Variants in HKDC1 observed in about 807,000 individuals in gnomAD.
HKDC1 encodes hexokinase domain containing 1.
In HKDC1, 66 loss-of-function variants were observed where a neutral mutation model predicts 96.6. That is an observed-to-expected ratio of 0.68 (90% confidence interval 0.56 to 0.84). HKDC1 has a LOEUF of 0.84. Ranked by LOEUF, HKDC1 falls within the 40% of genes least tolerant of loss-of-function variation. HKDC1 has a pLI of 0.00. For synonymous variants in HKDC1, 466 were observed against 473.1 expected, an observed-to-expected ratio of 0.98 and a Z score of 0.20; for missense variants, 1,211 against 1,208.1, an observed-to-expected ratio of 1.00 and a Z score of -0.04.
chr10:69,227,197 T>A lies in HKDC1; in HGVS notation c.64-10T>A. 2.5e-6 allele frequency: 4 copies of A among 1,613,852 alleles called. No individual in the cohort carries two copies. Among genetic ancestry groups the A allele is most frequent in the Non-Finnish European group, 3.4e-6 (4 of 1,179,778 alleles). On this transcript the variant is annotated splice_polypyrimidine_tract_variant and intron_variant, in intron 1 of 17. Transcript: ENST00000354624. ...CAGCAGCACCCCTTGGTGGCCGGTG[T>A]CTGTTCCAGGTGGACAGGTTCCTGT...
chr10:69,227,429 G>C, intron 2 of HKDC1, 60 bp downstream of exon 2: 1 of 1,590,396 alleles, frequency 6.3e-7, no homozygotes. Context: ...GGTGTCTAAA[G>C]TACCTAAGGT....
intron 4 of HKDC1, among the ~76,000 whole-genome samples, chr10:69,237,821 G>T (rs1034286351): frequency 3.1e-5 from 3 of 95,870 alleles, no homozygotes; most frequent in Admixed American, 2.9e-4. Flanking sequence ...ACCTGCATTC[G>T]GCTTGGGCTC....
chr10:69,249,805 C>T (rs1051978401), intron 10 of HKDC1, among the ~76,000 whole-genome samples: 19 of 152,098 alleles, frequency 1.2e-4, no homozygotes, highest in African/African-American at 4.6e-4. Context: ...GACCGGAGGC[C>T]CCTTGAGTAT....
chr10:69,265,889 C>T (rs1843891106), intron 17 of HKDC1, 71 bp downstream of exon 17: 1 of 1,091,312 alleles, frequency 9.2e-7, no homozygotes, highest in Non-Finnish European at 1.4e-6. Flanking sequence ...CTTGGCATAG[C>T]CTCCTGAACT....
intron 16 of HKDC1, chr10:69,261,547 C>A: frequency 2.4e-6 from 1 of 416,502 alleles, no homozygotes. Context: ...TGAAACAAAC[C>A]CCACATCTTA....
chr10:69,239,204 C>A, intron 5 of HKDC1, 67 bp downstream of exon 5: 1 of 1,249,458 alleles, frequency 8.0e-7, no homozygotes, highest in South Asian at 1.2e-5. Flanking sequence ...GTTGGTGGGG[C>A]TGGGGGTGAG....
At chr10:69,265,843 G>A (rs374487343) in intron 17 of HKDC1, 25 bp downstream of exon 17, 149 of 1,554,474 alleles carry the variant, frequency 9.6e-5, no homozygotes, top group South Asian at 1.4e-4. Context: ...GAGGCGTGGC[G>A]GGTGGGGCTG....
At chr10:69,260,756 G>A (rs1843792719) in intron 15 of HKDC1, among the ~76,000 whole-genome samples, 1 of 152,126 alleles carries the variant, frequency 6.6e-6, no homozygotes, top group Non-Finnish European at 1.5e-5. Flanking sequence ...TAGAAAGGAG[G>A]AAGGGAATTA....
At chr10:69,259,091 G>T in intron 15 of HKDC1, 132 bp downstream of exon 15, 1 of 692,856 alleles carries the variant, frequency 1.4e-6, no homozygotes, top group Non-Finnish European at 2.2e-6. Flanking sequence ...ATATCCTATT[G>T]GAACAAAAGA....
chr10:69,243,867 A>G (rs1843494988), intron 7 of HKDC1, among the ~76,000 whole-genome samples: 1 of 152,248 alleles, frequency 6.6e-6, no homozygotes, highest in East Asian at 1.9e-4. Flanking sequence ...ATAGAAGCCA[A>G]GGACATTGAA....
intron 7 of HKDC1, 125 bp downstream of exon 7, chr10:69,243,490 T>C: frequency 1.2e-6 from 1 of 837,966 alleles, no homozygotes; most frequent in Non-Finnish European, 1.7e-6. Flanking sequence ...CTTTCTTTTT[T>C]TCTTTTTCCT....
chr10:69,262,109 A>T (rs1843819091), intron 16 of HKDC1: 1 of 438,178 alleles, frequency 2.3e-6, no homozygotes, highest in African/African-American at 2.0e-5. Flanking sequence ...TTCACTAGAC[A>T]TCGTAAATGG....
intron 4 of HKDC1, among the ~76,000 whole-genome samples, chr10:69,235,974 C>A (rs954300679): frequency 2.6e-5 from 4 of 152,122 alleles, no homozygotes; most frequent in African/African-American, 9.7e-5. Flanking sequence ...CACTGCAGCT[C>A]AGCGAGGTTA....
intron 4 of HKDC1, among the ~76,000 whole-genome samples, chr10:69,237,277 TTGTG>T (rs71035080): frequency 0.075 from 10,971 of 145,646 alleles, 1,189 homozygotes; most frequent in African/African-American, 0.24. Flanking sequence ...AGAAATTTCT[TTGTG>T]TGTGTGTGTG....
At chr10:69,228,006 T>C (rs568882817) in intron 2 of HKDC1, among the ~76,000 whole-genome samples, 1 of 152,310 alleles carries the variant, frequency 6.6e-6, no homozygotes, top group South Asian at 2.1e-4. Context: ...TTCCTATGGC[T>C]GCTGTGATGT....
chr10:69,244,952 A>ACTCT (rs575851714), intron 7 of HKDC1, among the ~76,000 whole-genome samples: 189 of 152,160 alleles, frequency 1.2e-3, no homozygotes, highest in African/African-American at 4.3e-3. Context: ...CCAAGGCTGG[A>ACTCT]GTGCAGTGGT....
At chr10:69,250,242 G>T in intron 10 of HKDC1, 48 bp from the exon 11 acceptor site, 1 of 1,583,878 alleles carries the variant, frequency 6.3e-7, no homozygotes, top group South Asian at 1.2e-5. Context: ...CCAATGCCCC[G>T]ACACAAGTCC....
chr10:69,234,687 G>C (rs926042433), intron 4 of HKDC1, among the ~76,000 whole-genome samples: 14 of 152,368 alleles, frequency 9.2e-5, no homozygotes, highest in Non-Finnish European at 1.5e-4. Context: ...TGTGGTGACT[G>C]TCCCTGGATT....
intron 12 of HKDC1, 45 bp from the exon 13 acceptor site, chr10:69,256,991 C>T (rs1843725947): frequency 1.4e-6 from 2 of 1,438,354 alleles, no homozygotes; most frequent in Admixed American, 3.3e-5. Flanking sequence ...GTGCAGTGGC[C>T]CTAGCAAACT....
Sources: allele counts gnomAD v4.1 joint callset (sites outside exome capture counted in the v4.1 genomes callset), GRCh38; gene constraint gnomAD v4.1.1; transcripts MANE v1.5; gene names NCBI Gene and HGNC (gene_info 2026-07-23, HGNC 2026-07-21).